AGBL4: variants seen among roughly 807,000 people sequenced by gnomAD.
The protein encoded by AGBL4 is AGBL carboxypeptidase 4, also known as cytosolic carboxypeptidase 6.
Under a neutral mutation model 66.4 loss-of-function variants are expected in AGBL4, and 58 were observed. That is an observed-to-expected ratio of 0.87 (90% CI 0.71 to 1.09). AGBL4 has a LOEUF of 1.09. Among genes scored for constraint, AGBL4 ranks in the 50% least tolerant of loss-of-function variants. The pLI is 0.00. For synonymous variants in AGBL4, 234 were observed against 222.9 expected (o/e 1.05, Z -0.44); for missense variants, 579 against 631.0 (o/e 0.92, Z 0.88).
intron 10 of AGBL4, among the ~76,000 whole-genome samples, chr1:48,589,063 C>G (rs72899174): frequency 3.2e-3 from 494 of 152,230 alleles, no homozygotes; most frequent in African/African-American, 0.011. Flanking sequence ...ACTAAGGAGG[C>G]CACATTCTTT....
chr1:48,680,401 G>A (rs562661021), intron 6 of AGBL4, among the ~76,000 whole-genome samples: 1 of 152,120 alleles, frequency 6.6e-6, no homozygotes, highest in Non-Finnish European at 1.5e-5. Context: ...GGGATGTATT[G>A]TGCTTCTTGT....
intron 6 of AGBL4, among the ~76,000 whole-genome samples, chr1:48,702,144 T>G (rs1646812177): frequency 6.6e-6 from 1 of 152,146 alleles, no homozygotes; most frequent in Non-Finnish European, 1.5e-5. Context: ...TCCCTAAACC[T>G]TGGATGCATT....
intron 3 of AGBL4, among the ~76,000 whole-genome samples, chr1:49,462,831 G>A (rs891228447): frequency 6.6e-6 from 1 of 151,678 alleles, no homozygotes. Flanking sequence ...TCATGTCAAG[G>A]ACATCTGGGA....
intron 6 of AGBL4, among the ~76,000 whole-genome samples, chr1:48,831,308 G>A (rs747154760): frequency 6.6e-6 from 1 of 152,106 alleles, no homozygotes; most frequent in Admixed American, 6.5e-5. Context: ...TGATCCAGGC[G>A]CTCCTCCCTC....
intron 3 of AGBL4, among the ~76,000 whole-genome samples, chr1:49,483,648 C>A (rs989612821): frequency 6.6e-6 from 1 of 151,842 alleles, no homozygotes. Flanking sequence ...AAAACTACTA[C>A]AAAACACATT....
At chr1:48,846,529 A>G (rs1440873204) in intron 6 of AGBL4, among the ~76,000 whole-genome samples, 5 of 152,172 alleles carry the variant, frequency 3.3e-5, no homozygotes, top group Non-Finnish European at 7.3e-5. Flanking sequence ...GGCCTTAGAT[A>G]TCCCTCTTAT....
In AGBL4 at chr1:48,533,128, C is replaced by T. The variant is rs1185830330; in HGVS notation, c.*1045G>A. 6.6e-6 allele frequency: 1 copy of T among 152,192 alleles called. No individual in the cohort carries two copies. The highest frequency in any genetic ancestry group is 1.9e-4 in the East Asian group (1 of 5,186). The allele number at this position is 152,192 out of a possible 1,614,324, so 9.4% of individuals were successfully genotyped here. Reference sequence around the variant, plus strand: ...TCCTCCCTGGAGCCTCCCTTCCTCTCCCTGTGTTCTAATCCTCATTTCCGG... The same window carrying T: ...TCCTCCCTGGAGCCTCCCTTCCTCTTCCTGTGTTCTAATCCTCATTTCCGG... On this transcript the variant is annotated 3_prime_UTR_variant, in exon 14 of 14. Transcript: ENST00000371839.
At chr1:49,576,617 C>T (rs1644441618) in intron 3 of AGBL4, among the ~76,000 whole-genome samples, 1 of 152,162 alleles carries the variant, frequency 6.6e-6, no homozygotes, top group Non-Finnish European at 1.5e-5. Flanking sequence ...ACTCATCTAG[C>T]CATAAAGTGG....
chr1:48,734,498 T>A (rs1455965747), intron 6 of AGBL4, among the ~76,000 whole-genome samples: 1 of 152,124 alleles, frequency 6.6e-6, no homozygotes, highest in Admixed American at 6.5e-5. Context: ...GCCCTTTGAC[T>A]CCAGCAAATC....
At chr1:48,648,814 T>C (rs1645880255) in intron 8 of AGBL4, among the ~76,000 whole-genome samples, 1 of 152,216 alleles carries the variant, frequency 6.6e-6, no homozygotes, top group Admixed American at 6.5e-5. Flanking sequence ...TGTTAAATTA[T>C]AACAGCAGCT....
intron 8 of AGBL4, among the ~76,000 whole-genome samples, chr1:48,650,742 A>C (rs319990): frequency 0.57 from 86,348 of 152,042 alleles, 25,397 homozygotes; most frequent in Middle Eastern, 0.71. Flanking sequence ...TTCAGAAACC[A>C]TAACACTGGT....
rs376224757 is a variant in AGBL4, at chr1:49,826,847, A to G, written c.157+24549T>C. Among the ~76,000 whole-genome samples the G allele has an allele frequency of 5.3e-5, 8 of 152,310 alleles. No homozygotes were observed. In the South Asian group the frequency reaches 1.7e-3, roughly 32 times the overall value. On this transcript the variant is annotated intron_variant, in intron 2 of 13. Transcript: ENST00000371839. ...ATGCTTACAGGCACAGTGAAAAGCTATGTTCCACAAAAGAAATATTAGTAA... is the reference window on the plus strand; with the variant it reads ...ATGCTTACAGGCACAGTGAAAAGCTGTGTTCCACAAAAGAAATATTAGTAA...
At chr1:48,742,916 C>G in intron 6 of AGBL4, 1 of 709,454 alleles carries the variant, frequency 1.4e-6, no homozygotes, top group Non-Finnish European at 2.1e-6. Flanking sequence ...AACCCAGACT[C>G]GAAAATAATG....
At chr1:48,918,679 C>G (rs902416921) in intron 5 of AGBL4, among the ~76,000 whole-genome samples, 2 of 152,164 alleles carry the variant, frequency 1.3e-5, no homozygotes, top group Admixed American at 1.3e-4. Context: ...CCTGACCATG[C>G]TGGCATTGTG....
intron 3 of AGBL4, among the ~76,000 whole-genome samples, chr1:49,668,176 A>C (rs990337935): frequency 2.0e-5 from 3 of 152,214 alleles, no homozygotes; most frequent in Admixed American, 6.5e-5. Context: ...AGAACTTAAC[A>C]TCCTTTAGTT....
chr1:48,741,339 G>A (rs1649879813), intron 6 of AGBL4, among the ~76,000 whole-genome samples: 1 of 152,238 alleles, frequency 6.6e-6, no homozygotes, highest in Non-Finnish European at 1.5e-5. Flanking sequence ...ACCCAGAGAA[G>A]TGAAGGATCT....
chr1:49,995,799 C>G (rs1392005796), intron 1 of AGBL4: 1 of 153,584 alleles, frequency 6.5e-6, no homozygotes, highest in South Asian at 2.0e-4. Context: ...CTTCACTCCC[C>G]TGCTACCTGC....
intron 6 of AGBL4, among the ~76,000 whole-genome samples, chr1:48,716,857 C>G (rs1235811307): frequency 6.6e-6 from 1 of 152,176 alleles, no homozygotes; most frequent in South Asian, 2.1e-4. Flanking sequence ...TTGGAACTGT[C>G]CCTGCCTTCA....
At chr1:49,162,535 C>T (rs1356422821) in intron 4 of AGBL4, among the ~76,000 whole-genome samples, 1 of 152,116 alleles carries the variant, frequency 6.6e-6, no homozygotes, top group Non-Finnish European at 1.5e-5. Context: ...AAATCCACAA[C>T]TTAGTATTTA....
Sources: allele counts gnomAD v4.1 joint callset (sites outside exome capture counted in the v4.1 genomes callset), GRCh38; gene constraint gnomAD v4.1.1; transcripts MANE v1.5; gene names NCBI Gene and HGNC (gene_info 2026-07-23, HGNC 2026-07-21).